The following AGPS variants were observed in gnomAD, a reference collection of about 807,000 sequenced individuals.
AGPS encodes the protein alkylglycerone phosphate synthase, also known as alkyldihydroxyacetonephosphate synthase, peroxisomal.
Under a neutral mutation model 90.7 loss-of-function variants are expected in AGPS, and 26 were observed. That is an observed-to-expected ratio of 0.29 (90% CI 0.21 to 0.40). The LOEUF is 0.40. Ranked by LOEUF, AGPS falls within the 10% of genes least tolerant of loss-of-function variation. The pLI is 1.00. For synonymous variants in AGPS, 294 were observed against 285.3 expected (o/e 1.03, Z -0.31); for missense variants, 540 against 816.1 (o/e 0.66, Z 4.12).
intron 17 of AGPS, 80 bp from the exon 18 acceptor site, chr2:177,521,189 G>C: frequency 8.3e-7 from 1 of 1,200,214 alleles, no homozygotes; most frequent in Non-Finnish European, 1.2e-6. Flanking sequence ...CATTTGGGTC[G>C]TCTTGACTTT....
intron 19 of AGPS, among the ~76,000 whole-genome samples, chr2:177,534,365 G>A (rs901915590): frequency 6.6e-6 from 1 of 152,088 alleles, no homozygotes; most frequent in African/African-American, 2.4e-5. Flanking sequence ...TAGTGAGCCT[G>A]TAATTTGAAA....
intron 12 of AGPS, among the ~76,000 whole-genome samples, chr2:177,493,423 A>G (rs1213577242): frequency 6.6e-6 from 1 of 152,202 alleles, no homozygotes; most frequent in Non-Finnish European, 1.5e-5. Context: ...AAATGAAGGA[A>G]TTGATTCTTC....
chr2:177,392,791 TG>T lies in AGPS; in HGVS notation c.4del (p.Ala2?). The T allele has an allele frequency of 6.7e-7, 1 of 1,495,394 alleles. No homozygotes were observed. Among genetic ancestry groups the T allele is most frequent in the Non-Finnish European group, 8.8e-7 (1 of 1,135,788 alleles). 92.6% of individuals were successfully genotyped at this position (1,495,394 alleles called of 1,614,324 possible). On this transcript the variant is annotated frameshift_variant and start_lost, in exon 1 of 20. Transcript: ENST00000264167. LOFTEE classifies it high-confidence loss of function. The stretch of plus-strand genomic sequence containing the variant: ...GGGCGGCAGCACAAGGCGGTAGCCA[TG>T]GCGGAGGCGGCGGCTGCAGCGGGTG... [M>X]AEAAAAAGGT... is the part of the protein sequence containing the mutation.
At chr2:177,476,560 C>T (rs551079173) in intron 10 of AGPS, among the ~76,000 whole-genome samples, 3 of 152,042 alleles carry the variant, frequency 2.0e-5, no homozygotes, top group Admixed American at 2.0e-4. Flanking sequence ...AAAATTTGTT[C>T]AAGTTTATTT....
intron 10 of AGPS, among the ~76,000 whole-genome samples, chr2:177,474,130 A>AT (rs774367834): frequency 6.6e-6 from 1 of 152,220 alleles, no homozygotes; most frequent in South Asian, 2.1e-4. Context: ...CATTTATAAA[A>AT]TTTGGATATG....
In AGPS at chr2:177,539,167, A is replaced by G. The variant is rs1389031149; in HGVS notation, c.*972A>G. The stretch of plus-strand genomic sequence containing the variant: ...TGAAAGCCTCAGCAGTTTCAATGAC[A>G]AAAATCATTTTTGATTTTTTAAAAT... On this transcript the variant is annotated 3_prime_UTR_variant, in exon 20 of 20. Transcript: ENST00000264167. 1 of 152,118 alleles carries G rather than the reference A, an allele frequency of 6.6e-6. No homozygotes were observed. Among genetic ancestry groups the G allele is most frequent in the Non-Finnish European group, 1.5e-5 (1 of 67,950 alleles). The allele number at this position is 152,118 out of a possible 1,614,324, so 9.4% of individuals were successfully genotyped here. A position where few individuals can be genotyped will look rare whatever the true frequency, so the allele number is the denominator to read the frequency against.
At position 177,538,200 on chromosome 2, in the gene AGPS, AT is replaced by A; in HGVS notation, c.*7del. 6.2e-7 allele frequency: 1 copy of A among 1,612,294 alleles called. No homozygotes were observed. The highest frequency in any genetic ancestry group is 8.5e-7 in the Non-Finnish European group (1 of 1,178,758). On this transcript the variant is annotated 3_prime_UTR_variant, in exon 20 of 20. Coordinates refer to ENST00000264167, the MANE Select transcript of AGPS (RefSeq NM_003659.4). The stretch of plus-strand genomic sequence containing the variant: ...GGAAACAGAAACCTTTTATAAATCC[AT>A]TAGTACCATTACAAAAAAATGTCAA...
At chr2:177,511,635 T>C (rs538588366) in intron 16 of AGPS, among the ~76,000 whole-genome samples, 47 of 152,310 alleles carry the variant, frequency 3.1e-4, no homozygotes, top group African/African-American at 1.1e-3. Flanking sequence ...GGAAGTTTTT[T>C]TCAGGGAGGA....
intron 5 of AGPS, among the ~76,000 whole-genome samples, chr2:177,439,427 A>G (rs1332751740): frequency 6.6e-6 from 1 of 152,156 alleles, no homozygotes; most frequent in Admixed American, 6.5e-5. Context: ...ACATTCCTAG[A>G]AGATAATTTT....
chr2:177,506,279 A>G (rs1688709728), intron 15 of AGPS, among the ~76,000 whole-genome samples: 1 of 151,320 alleles, frequency 6.6e-6, no homozygotes, highest in Non-Finnish European at 1.5e-5. Context: ...CTAAAAGGTC[A>G]TTTTTTCAGA....
chr2:177,424,627 A>C (rs770135141), intron 2 of AGPS, among the ~76,000 whole-genome samples: 2 of 152,212 alleles, frequency 1.3e-5, no homozygotes, highest in African/African-American at 2.4e-5. Flanking sequence ...GCTGGGTCAA[A>C]TGGTATTTCT....
At chr2:177,418,321 C>A (rs1482826665) in intron 1 of AGPS, among the ~76,000 whole-genome samples, 1 of 152,026 alleles carries the variant, frequency 6.6e-6, no homozygotes, top group Non-Finnish European at 1.5e-5. Context: ...TCATGAAGTG[C>A]TAAGAATGAA....
At chr2:177,445,944 C>T (rs772797159) in intron 8 of AGPS, among the ~76,000 whole-genome samples, 23 of 152,040 alleles carry the variant, frequency 1.5e-4, no homozygotes, top group Non-Finnish European at 1.6e-4. Context: ...TATTATGGAT[C>T]ATCAAATGGG....
At chr2:177,441,342 G>T in intron 6 of AGPS, 1 of 271,968 alleles carries the variant, frequency 3.7e-6, no homozygotes, top group South Asian at 5.3e-5. Context: ...TTTATGGAGA[G>T]AATTTTCTTT....
At chr2:177,537,560 A>C (rs1394181633) in intron 19 of AGPS, among the ~76,000 whole-genome samples, 2 of 152,098 alleles carry the variant, frequency 1.3e-5, no homozygotes, top group East Asian at 3.9e-4. Flanking sequence ...TAATAGCCAG[A>C]ATTTTTTCTT....
At chr2:177,492,084 C>T (rs931994828) in intron 11 of AGPS, among the ~76,000 whole-genome samples, 26 of 152,160 alleles carry the variant, frequency 1.7e-4, no homozygotes, top group Non-Finnish European at 3.8e-4. Flanking sequence ...CTGCACCCAT[C>T]CCCTCCCATT....
intron 6 of AGPS, among the ~76,000 whole-genome samples, chr2:177,441,968 A>C (rs889633972): frequency 6.6e-6 from 1 of 152,262 alleles, no homozygotes; most frequent in Non-Finnish European, 1.5e-5. Context: ...GTATAAGAAT[A>C]TAAGATTATT....
intron 5 of AGPS, among the ~76,000 whole-genome samples, chr2:177,439,675 G>C (rs903415231): frequency 3.9e-5 from 6 of 152,082 alleles, no homozygotes; most frequent in African/African-American, 1.4e-4. Context: ...TTCATAAATG[G>C]ATATTCATTT....
chr2:177,535,164 G>T (rs1559088093), intron 19 of AGPS, among the ~76,000 whole-genome samples: 1 of 152,036 alleles, frequency 6.6e-6, no homozygotes, highest in Non-Finnish European at 1.5e-5. Flanking sequence ...AGATGATTCA[G>T]GTCTAAAAAA....
Sources: gnomAD v4.1 joint callset for allele counts (sites outside exome capture counted in the v4.1 genomes callset) on GRCh38, gnomAD v4.1.1 for gene constraint, MANE v1.5 for transcripts, NCBI Gene and HGNC (gene_info 2026-07-23, HGNC 2026-07-21) for gene names.